DLGAP4: variants seen among roughly 807,000 people sequenced by gnomAD.
DLGAP4 encodes the protein DLG associated protein 4.
In DLGAP4, 18 loss-of-function variants were observed where a neutral mutation model predicts 86.9. The observed-to-expected ratio is 0.21, with a 90% CI of 0.14 to 0.31. DLGAP4 has a LOEUF of 0.31. Among genes scored for constraint, DLGAP4 ranks in the 10% least tolerant of loss-of-function variants. DLGAP4 has a pLI of 1.00. For synonymous variants in DLGAP4, 548 were observed against 574.3 expected, an observed-to-expected ratio of 0.95 and a Z score of 0.65; for missense variants, 1,085 against 1,362.6, an observed-to-expected ratio of 0.80 and a Z score of 3.21.
intron 2 of DLGAP4, among the ~76,000 whole-genome samples, chr20:36,412,594 A>G (rs1389368454): frequency 2.0e-5 from 3 of 152,226 alleles, no homozygotes; most frequent in Non-Finnish European, 4.4e-5. Flanking sequence ...TTCTCTTTCT[A>G]TAGAACGGGA....
chr20:36,482,024 G>A (rs1402186924), intron 7 of DLGAP4, among the ~76,000 whole-genome samples: 2 of 152,086 alleles, frequency 1.3e-5, no homozygotes, highest in African/African-American at 2.4e-5. Flanking sequence ...CTGTCCCCCG[G>A]GTGTGCCTGG....
chr20:36,476,608 C>G (rs561764956), intron 7 of DLGAP4, among the ~76,000 whole-genome samples: 2 of 149,798 alleles, frequency 1.3e-5, no homozygotes, highest in African/African-American at 4.9e-5. Flanking sequence ...GGATTACAGG[C>G]GTGAGCCACC....
At chr20:36,415,311 C>T (rs927711479) in intron 2 of DLGAP4, among the ~76,000 whole-genome samples, 10 of 151,912 alleles carry the variant, frequency 6.6e-5, no homozygotes, top group South Asian at 2.1e-4. Context: ...CAAACGAAAA[C>T]GTCCAGAGAG....
chr20:36,318,774 G>C (rs1184986139), intron 1 of DLGAP4, among the ~76,000 whole-genome samples: 1 of 152,196 alleles, frequency 6.6e-6, no homozygotes, highest in Non-Finnish European at 1.5e-5. Context: ...GTCTGGAAAT[G>C]AGGTGTTCAT....
At chr20:36,420,316 C>T (rs2032786177) in intron 2 of DLGAP4, among the ~76,000 whole-genome samples, 1 of 152,142 alleles carries the variant, frequency 6.6e-6, no homozygotes, top group Non-Finnish European at 1.5e-5. Flanking sequence ...GGCTGGCAGA[C>T]GAGGAGCTGC....
intron 1 of DLGAP4, among the ~76,000 whole-genome samples, chr20:36,323,654 T>C (rs187670193): frequency 6.6e-6 from 1 of 152,340 alleles, no homozygotes; most frequent in East Asian, 1.9e-4. Context: ...GTCTCTTCAC[T>C]TTTTTGATAG....
At chr20:36,338,183 C>A (rs1427062107) in intron 1 of DLGAP4, among the ~76,000 whole-genome samples, 1 of 152,196 alleles carries the variant, frequency 6.6e-6, no homozygotes, top group African/African-American at 2.4e-5. Flanking sequence ...GCTCTGTCTG[C>A]TGAGAGCTGG....
intron 1 of DLGAP4, among the ~76,000 whole-genome samples, chr20:36,351,930 G>T (rs1255530234): frequency 6.6e-6 from 1 of 152,124 alleles, no homozygotes; most frequent in Admixed American, 6.6e-5. Context: ...ATGTGCTGCC[G>T]GCCGGGTGGT....
chr20:36,475,214 T>TC (rs1334102622), intron 7 of DLGAP4, among the ~76,000 whole-genome samples: 1 of 151,996 alleles, frequency 6.6e-6, no homozygotes, highest in Non-Finnish European at 1.5e-5. Flanking sequence ...GTTTATATGT[T>TC]TCTTCCTTTT....
At chr20:36,453,425 G>A (rs1763920264) in intron 7 of DLGAP4, among the ~76,000 whole-genome samples, 1 of 152,188 alleles carries the variant, frequency 6.6e-6, no homozygotes, top group Admixed American at 6.5e-5. Context: ...CAAGGTGGGA[G>A]GATCACTTGA....
At chr20:36,467,020 CTCTCT>C (rs1569509587) in intron 7 of DLGAP4, among the ~76,000 whole-genome samples, 150 of 8,764 alleles carry the variant, frequency 0.017, 1 homozygote, top group Non-Finnish European at 0.055. Context: ...TCTCTCTCCT[CTCTCT>C]CTCTCTCTCT....
At chr20:36,512,929 C>T (rs2036793654) in intron 10 of DLGAP4, among the ~76,000 whole-genome samples, 1 of 90,528 alleles carries the variant, frequency 1.1e-5, no homozygotes, top group Non-Finnish European at 2.2e-5. Flanking sequence ...GTCTCAGAGG[C>T]CCTTTTTTTT....
rs954689820 is a variant in DLGAP4, at chr20:36,462,040, C to G, written c.1648+15103C>G. The G allele has an allele frequency of 1.2e-5, 12 of 986,992 alleles. No homozygotes were observed. The African/African-American group carries it at 2.1e-4, about 17-fold the overall frequency. The allele number at this position is 986,992 out of a possible 1,614,324, so 61.1% of individuals were successfully genotyped here. On this transcript the variant is annotated intron_variant, in intron 7 of 12. Transcript: ENST00000339266. ...GAACACCTTCCACTCTCCCCAAGGG[C>G]TCCCCGTGAGTTTCTTGCACATCCT...
chr20:36,504,771 C>CTCA (rs1240983086), intron 10 of DLGAP4, among the ~76,000 whole-genome samples: 8 of 152,304 alleles, frequency 5.3e-5, no homozygotes, highest in African/African-American at 1.9e-4. Flanking sequence ...AGCATCTTTT[C>CTCA]ATGTGTCTGT....
Position 36,528,587 on chromosome 20 carries a change from C to T in DLGAP4, c.*1556C>T, listed in dbSNP as rs1211203787. On this transcript the variant is annotated 3_prime_UTR_variant, in exon 13 of 13. Transcript: ENST00000339266. ...TGTAAAACGGGGACAGTCCCTGCCC[C>T]TCCCTACCTCACAGGCATGTTGTGA... 2 of 152,760 alleles carry T rather than the reference C, an allele frequency of 1.3e-5. No individual in the cohort carries two copies. Among genetic ancestry groups the T allele is most frequent in the African/African-American group, 2.4e-5 (1 of 41,474 alleles). The allele number at this position is 152,760 out of a possible 1,614,324, so 9.5% of individuals were successfully genotyped here.
intron 7 of DLGAP4, among the ~76,000 whole-genome samples, chr20:36,485,794 A>C (rs532158031): frequency 6.6e-6 from 1 of 152,234 alleles, no homozygotes; most frequent in Non-Finnish European, 1.5e-5. Context: ...AAATCTGTAC[A>C]AATGCTACAC....
chr20:36,415,275 AAAACAAAACAAAAACAG>A (rs1457781435), intron 2 of DLGAP4, among the ~76,000 whole-genome samples: 7 of 152,006 alleles, frequency 4.6e-5, no homozygotes, highest in Non-Finnish European at 8.8e-5. Context: ...AAAAGAAAAC[AAAACAAAACAAAAACAG>A]AAACAAAACA....
intron 2 of DLGAP4, among the ~76,000 whole-genome samples, chr20:36,404,724 A>T (rs911902365): frequency 1.3e-5 from 2 of 151,768 alleles, no homozygotes; most frequent in Admixed American, 1.3e-4. Context: ...AGCCCACGGG[A>T]GATGTTTACA....
chr20:36,497,098 G>A, intron 8 of DLGAP4, 32 bp downstream of exon 8: 1 of 1,553,414 alleles, frequency 6.4e-7, no homozygotes, highest in Non-Finnish European at 8.7e-7. Flanking sequence ...TGTGTCCTCA[G>A]CCCACTCCGT....
Sources: gnomAD v4.1 joint callset for allele counts (sites outside exome capture counted in the v4.1 genomes callset) on GRCh38, gnomAD v4.1.1 for gene constraint, MANE v1.5 for transcripts, NCBI Gene and HGNC (gene_info 2026-07-23, HGNC 2026-07-21) for gene names.